Variants in SERPINI1 observed in about 807,000 individuals in gnomAD.
SERPINI1 encodes the protein neuroserpin.
Under a neutral mutation model 41.1 loss-of-function variants are expected in SERPINI1, and 19 were observed. The ratio of observed to expected loss-of-function variants is 0.46; its 90% CI spans 0.32 to 0.68. The LOEUF (loss-of-function observed/expected upper bound fraction) is 0.68. SERPINI1 is among the 30% of genes least tolerant of loss of function. SERPINI1 has a pLI of 0.03. For missense variants in SERPINI1, 460 were observed against 479.2 expected, an observed-to-expected ratio of 0.96 and a Z score of 0.37; for synonymous variants, 138 against 156.6, an observed-to-expected ratio of 0.88 and a Z score of 0.89.
intron 1 of SERPINI1, among the ~76,000 whole-genome samples, chr3:167,770,656 A>G (rs6765637): frequency 0.13 from 19,500 of 152,060 alleles, 1,528 homozygotes; most frequent in African/African-American, 0.21. Flanking sequence ...GCATATTCCT[A>G]TTGAAGAATA....
intron 1 of SERPINI1, among the ~76,000 whole-genome samples, chr3:167,737,786 A>G (rs1387616560): frequency 6.6e-6 from 1 of 152,156 alleles, no homozygotes; most frequent in African/African-American, 2.4e-5. Context: ...AAATTAAGAT[A>G]TACTTTGAAT....
At position 167,785,667 on chromosome 3, in the gene SERPINI1, CTAT is replaced by C. The variant is rs549464057; in HGVS notation, c.-18-3434_-18-3432del. ...TGTTTTAAGTATTCAAAAATGTTAACTATTATTATTATCATCTCATGGTACGTT... is the reference window on the plus strand; with the variant it reads ...TGTTTTAAGTATTCAAAAATGTTAACTATTATTATCATCTCATGGTACGTT... On this transcript the variant is annotated intron_variant, in intron 1 of 8. Coordinates refer to ENST00000446050, the MANE Select transcript of SERPINI1 (RefSeq NM_001122752.2). Among the ~76,000 whole-genome samples, 290 of 152,176 alleles carry C rather than the reference CTAT, an allele frequency of 1.9e-3. 1 individual carries two copies. The highest frequency in any genetic ancestry group is 6.5e-3 in the African/African-American group (269 of 41,522).
chr3:167,772,889 T>TATATATATATATATATATAC (rs1470005015), intron 1 of SERPINI1, among the ~76,000 whole-genome samples: 2 of 77,136 alleles, frequency 2.6e-5, no homozygotes, highest in East Asian at 7.4e-4. Context: ...TATATATATA[T>TATATATATATATATATATAC]ATATACACAC....
chr3:167,778,791 C>G (rs1025014874), intron 1 of SERPINI1, among the ~76,000 whole-genome samples: 4 of 152,158 alleles, frequency 2.6e-5, no homozygotes, highest in African/African-American at 9.7e-5. Flanking sequence ...AATTCCCGAA[C>G]AAGAAAGGAG....
intron 1 of SERPINI1, among the ~76,000 whole-genome samples, chr3:167,775,270 ATTATTATTT>A (rs1726930907): frequency 1.6e-5 from 2 of 126,740 alleles, no homozygotes; most frequent in Admixed American, 1.5e-4. Context: ...TATTATTATT[ATTATTATTT>A]GAGACAGAGT....
intron 1 of SERPINI1, among the ~76,000 whole-genome samples, chr3:167,743,979 T>C (rs1301286932): frequency 6.6e-6 from 1 of 152,060 alleles, no homozygotes; most frequent in Non-Finnish European, 1.5e-5. Flanking sequence ...TGCCCATTCA[T>C]TTACATCTTA....
Position 167,781,389 on chromosome 3 carries a change from A to G in SERPINI1, c.-18-7722A>G, listed in dbSNP as rs533201206. Among the ~76,000 whole-genome samples, 4 of 152,220 alleles carry G rather than the reference A, an allele frequency of 2.6e-5. No homozygotes were observed. In the East Asian group the frequency reaches 5.8e-4, roughly 22 times the overall value. ...GATTGTTTTATTTTCATGTTGAAAT[A>G]TTCATTTTTTATGTGATTGATGTAG... On this transcript the variant is annotated intron_variant, in intron 1 of 8. Coordinates refer to ENST00000446050, the MANE Select transcript of SERPINI1 (RefSeq NM_001122752.2).
intron 5 of SERPINI1, among the ~76,000 whole-genome samples, chr3:167,803,284 A>T (rs563898564): frequency 6.8e-6 from 1 of 147,602 alleles, no homozygotes; most frequent in Non-Finnish European, 1.5e-5. Flanking sequence ...AATAATAATA[A>T]AAATAAATAA....
At chr3:167,801,037 C>T (rs1288069079) in intron 5 of SERPINI1, among the ~76,000 whole-genome samples, 3 of 152,174 alleles carry the variant, frequency 2.0e-5, no homozygotes, top group Non-Finnish European at 4.4e-5. Context: ...AGGCTGGTCT[C>T]GAACTCCTGA....
chr3:167,759,634 G>T (rs1176492144), intron 1 of SERPINI1, among the ~76,000 whole-genome samples: 1 of 151,994 alleles, frequency 6.6e-6, no homozygotes, highest in African/African-American at 2.4e-5. Flanking sequence ...ACTGGGGAAG[G>T]TGAAAGGGGG....
intron 8 of SERPINI1, 29 bp from the exon 9 acceptor site, chr3:167,825,218 C>T (rs748062627): frequency 7.0e-7 from 1 of 1,428,322 alleles, no homozygotes; most frequent in Admixed American, 1.7e-5. Flanking sequence ...TGTTCACCCC[C>T]TCTTTTGTTT....
chr3:167,825,180 A>C (rs113218560), intron 8 of SERPINI1, 67 bp from the exon 9 acceptor site: 1 of 1,002,936 alleles, frequency 1.0e-6, no homozygotes, highest in Non-Finnish European at 1.6e-6. Context: ...AATTGTAAGC[A>C]AGAAGGAAGA....
Position 167,785,069 on chromosome 3 carries a change from C to T in SERPINI1, c.-18-4042C>T, listed in dbSNP as rs1323615743. Reference sequence around the variant, plus strand: ...CATCCTGGCCAACATGGTGAAACCCCGTCTCTACTAAAAATACAAAAATTA... The same window carrying T: ...CATCCTGGCCAACATGGTGAAACCCTGTCTCTACTAAAAATACAAAAATTA... On this transcript the variant is annotated intron_variant, in intron 1 of 8. Transcript: ENST00000446050. Among the ~76,000 whole-genome samples, 2 of 152,092 alleles carry T rather than the reference C, an allele frequency of 1.3e-5. 1 individual carries two copies. Among genetic ancestry groups the T allele is most frequent in the Middle Eastern group, 6.8e-3 (2 of 294 alleles).
intron 3 of SERPINI1, among the ~76,000 whole-genome samples, chr3:167,791,984 G>A (rs1270617407): frequency 6.6e-6 from 1 of 152,106 alleles, no homozygotes; most frequent in East Asian, 1.9e-4. Flanking sequence ...AATTAGCCAG[G>A]TGTGGTGGCA....
chr3:167,812,182 CAATCT>C (rs1212751705), intron 6 of SERPINI1, among the ~76,000 whole-genome samples: 1 of 152,154 alleles, frequency 6.6e-6, no homozygotes, highest in Non-Finnish European at 1.5e-5. Flanking sequence ...AATCTCTCTC[CAATCT>C]AATCTATTTT....
chr3:167,753,052 G>A (rs1403857727), intron 1 of SERPINI1, among the ~76,000 whole-genome samples: 1 of 152,134 alleles, frequency 6.6e-6, no homozygotes, highest in Non-Finnish European at 1.5e-5. Flanking sequence ...TGTGAAGGCA[G>A]AGCCCTTGTC....
At chr3:167,785,888 A>C (rs1727286746) in intron 1 of SERPINI1, among the ~76,000 whole-genome samples, 1 of 152,228 alleles carries the variant, frequency 6.6e-6, no homozygotes, top group Non-Finnish European at 1.5e-5. Flanking sequence ...TCATACAGTA[A>C]ATTTAATTGC....
At chr3:167,799,185 C>A (rs1727811850) in intron 5 of SERPINI1, among the ~76,000 whole-genome samples, 1 of 152,104 alleles carries the variant, frequency 6.6e-6, no homozygotes, top group Admixed American at 6.5e-5. Context: ...AATGCTGTCC[C>A]TCCCCAAGGC....
intron 5 of SERPINI1, among the ~76,000 whole-genome samples, chr3:167,804,713 T>G (rs1314438564): frequency 6.6e-6 from 1 of 152,092 alleles, no homozygotes; most frequent in Non-Finnish European, 1.5e-5. Flanking sequence ...TGCTGTGATG[T>G]GCACCTGTAG....
Sources: allele counts gnomAD v4.1 joint callset (sites outside exome capture counted in the v4.1 genomes callset), GRCh38; gene constraint gnomAD v4.1.1; transcripts MANE v1.5; gene names NCBI Gene and HGNC (gene_info 2026-07-23, HGNC 2026-07-21).